STK3: variants seen among roughly 807,000 people sequenced by gnomAD.
STK3 encodes the protein serine/threonine-protein kinase 3.
Under a neutral mutation model 58.0 loss-of-function variants are expected in STK3, and 41 were observed. That is an observed-to-expected ratio of 0.71 (90% CI 0.55 to 0.92). The LOEUF is 0.92. STK3 is among the 40% of genes least tolerant of loss of function. STK3 has a pLI of 0.00. For synonymous variants in STK3, 170 were observed against 191.0 expected (o/e 0.89, Z 0.91); for missense variants, 479 against 602.7 (o/e 0.79, Z 2.15).
chr8:98,647,112 ACT>A (rs1820461294), intron 6 of STK3, among the ~76,000 whole-genome samples: 2 of 151,876 alleles, frequency 1.3e-5, no homozygotes, highest in Non-Finnish European at 2.9e-5. Flanking sequence ...TCCCTAGATC[ACT>A]CTGCTCCCTT....
intron 1 of STK3, among the ~76,000 whole-genome samples, chr8:98,808,379 T>A (rs1009904008): frequency 6.6e-6 from 1 of 152,166 alleles, no homozygotes; most frequent in African/African-American, 2.4e-5. Context: ...GGGACTATAT[T>A]TGGTCCTCTT....
Position 98,861,344 on chromosome 8 carries a change from A to ATTTT in STK3, c.110+22299_110+22302dup, listed in dbSNP as rs772895902. On this transcript the variant is annotated intron_variant, in intron 3 of 12. Transcript: ENST00000523601. ...TATTCTTAGGGCTTTGTTTCTTTGGATTTTTTTTTTTTTTTTTTTTTTTTT... is the reference window on the plus strand; with the variant it reads ...TATTCTTAGGGCTTTGTTTCTTTGGATTTTTTTTTTTTTTTTTTTTTTTTTTTTT... 3.8e-4 allele frequency among the ~76,000 whole-genome samples: 33 copies of ATTTT among 85,900 alleles called. 1 individual carries two copies. The highest frequency in any genetic ancestry group is 1.4e-3 in the African/African-American group (29 of 20,818). The allele number at this position is 85,900 out of a possible 152,430, so 56.4% of individuals were successfully genotyped here. A position where few individuals can be genotyped will look rare whatever the true frequency, so the allele number is the denominator to read the frequency against.
chr8:98,467,639 A>AT (rs1298742458), intron 10 of STK3, among the ~76,000 whole-genome samples: 2 of 151,522 alleles, frequency 1.3e-5, no homozygotes, highest in Non-Finnish European at 2.9e-5. Flanking sequence ...AGATGAGGGT[A>AT]TTTTTTCAGC....
rs114100958 is a variant in STK3, at chr8:98,754,551, C to T, written c.237-5161G>A. Among the ~76,000 whole-genome samples the T allele has an allele frequency of 8.9e-3, 1,348 of 151,940 alleles. 26 individuals are homozygous for T. Among genetic ancestry groups the T allele is most frequent in the African/African-American group, 0.031 (1,298 of 41,430 alleles). On this transcript the variant is annotated intron_variant, in intron 3 of 10. Transcript: ENST00000419617. ...CTGAAGCAGAATCTCATTCTGCCAC[C>T]TAGGCTGGAGTGCAGTGGCACCATG... is the stretch of plus-strand genomic sequence containing the variant.
intron 10 of STK3, among the ~76,000 whole-genome samples, chr8:98,512,933 G>C (rs1824631168): frequency 6.6e-6 from 1 of 152,110 alleles, no homozygotes; most frequent in Non-Finnish European, 1.5e-5. Context: ...GCAGCAATTT[G>C]CTTAAGTTGG....
intron 4 of STK3, among the ~76,000 whole-genome samples, chr8:98,718,372 A>G (rs961623116): frequency 6.6e-6 from 1 of 152,190 alleles, no homozygotes; most frequent in Non-Finnish European, 1.5e-5. Flanking sequence ...GGACCAGATC[A>G]TGTAAGGCTT....
chr8:98,365,226 C>G, the STK3 span, among the ~76,000 whole-genome samples: 1 of 152,220 alleles, frequency 6.6e-6, no homozygotes, highest in Non-Finnish European at 1.5e-5. Context: ...AGCAAGATCA[C>G]TGGAGTGGAT....
chr8:98,617,959 T>C (rs1817908034), intron 6 of STK3, among the ~76,000 whole-genome samples: 1 of 152,138 alleles, frequency 6.6e-6, no homozygotes, highest in Admixed American at 6.5e-5. Context: ...CCTAACTCAT[T>C]TTAGGAGGCC....
chr8:98,419,601 C>A (rs529890445), intron 3 of STK3, among the ~76,000 whole-genome samples: 1 of 152,344 alleles, frequency 6.6e-6, no homozygotes, highest in African/African-American at 2.4e-5. Flanking sequence ...CATCCTGGAC[C>A]TGGAGTGAGG....
intron 3 of STK3, among the ~76,000 whole-genome samples, chr8:98,409,370 C>A (rs999515888): frequency 2.0e-5 from 3 of 152,214 alleles, no homozygotes; most frequent in Admixed American, 6.5e-5. Flanking sequence ...TCCTTCTAAG[C>A]CTTCTGTCTG....
intron 4 of STK3, among the ~76,000 whole-genome samples, chr8:98,729,321 G>C (rs1828009352): frequency 6.6e-6 from 1 of 152,084 alleles, no homozygotes; most frequent in Non-Finnish European, 1.5e-5. Context: ...TGTCAGCCAG[G>C]TTGGTCTCAA....
At chr8:98,532,580 T>A (rs1162441128) in intron 9 of STK3, among the ~76,000 whole-genome samples, 2 of 152,144 alleles carry the variant, frequency 1.3e-5, no homozygotes, top group Admixed American at 6.6e-5. Flanking sequence ...GCCAATAGAC[T>A]TGCTTGACAC....
At chr8:98,431,999 C>G (rs1818341305) in intron 3 of STK3, 1 of 167,074 alleles carries the variant, frequency 6.0e-6, no homozygotes, top group Non-Finnish European at 1.5e-5. Context: ...AACCCTGGAG[C>G]TAATTCCCAC....
At chr8:98,647,981 T>C (rs1182519747) in intron 6 of STK3, among the ~76,000 whole-genome samples, 1 of 152,218 alleles carries the variant, frequency 6.6e-6, no homozygotes, top group Admixed American at 6.5e-5. Flanking sequence ...ACTGTCAGTA[T>C]TCTACTTGGG....
chr8:98,847,142 C>G (rs1324759075), intron 3 of STK3, among the ~76,000 whole-genome samples: 1 of 152,100 alleles, frequency 6.6e-6, no homozygotes, highest in East Asian at 1.9e-4. Flanking sequence ...GGTGGGAAAA[C>G]TGCTTGAAGC....
At chr8:98,581,357 T>G (rs1279856135) in intron 7 of STK3, among the ~76,000 whole-genome samples, 1 of 152,174 alleles carries the variant, frequency 6.6e-6, no homozygotes. Context: ...TTCTTATTCC[T>G]GCCTGGTAGG....
intron 10 of STK3, among the ~76,000 whole-genome samples, chr8:98,477,704 G>GGC (rs1821449644): frequency 1.3e-5 from 1 of 75,402 alleles, no homozygotes; most frequent in Non-Finnish European, 2.8e-5. Context: ...ACACTTGGCG[G>GGC]GGGGGGGGGG....
At chr8:98,548,231 G>A (rs1810882511) in intron 8 of STK3, 70 bp from the exon 9 acceptor site, 6 of 1,206,382 alleles carry the variant, frequency 5.0e-6, no homozygotes, top group Non-Finnish European at 6.5e-6. Flanking sequence ...CTTAACAAGA[G>A]AATGAATATA....
At chr8:98,527,167 T>C (rs192427235) in intron 9 of STK3, among the ~76,000 whole-genome samples, 156 of 152,272 alleles carry the variant, frequency 1.0e-3, no homozygotes, top group Non-Finnish European at 1.7e-3. Flanking sequence ...ATTTCAGAAG[T>C]TTAGTAAAAT....
Sources: gnomAD v4.1 joint callset for allele counts (sites outside exome capture counted in the v4.1 genomes callset) on GRCh38, gnomAD v4.1.1 for gene constraint, MANE v1.5 for transcripts, NCBI Gene and HGNC (gene_info 2026-07-23, HGNC 2026-07-21) for gene names.